Variants in INPP4B observed in about 807,000 individuals in gnomAD.
INPP4B encodes inositol polyphosphate-4-phosphatase type II B, also known as inositol polyphosphate 4-phosphatase type II.
Under a neutral mutation model 122.5 loss-of-function variants are expected in INPP4B, and 55 were observed. That is an observed-to-expected ratio of 0.45 (90% CI 0.36 to 0.56). The LOEUF (loss-of-function observed/expected upper bound fraction) is 0.56. Among genes scored for constraint, INPP4B ranks in the 20% least tolerant of loss-of-function variants. The pLI, the probability that INPP4B is intolerant of heterozygous loss-of-function variation, is 0.00. For synonymous variants in INPP4B, 403 were observed against 388.7 expected (o/e 1.04, Z -0.43); for missense variants, 1,000 against 1,097.7 (o/e 0.91, Z 1.26).
Position 142,035,054 on chromosome 4 carries a change from C to T in INPP4B, c.2643-6140G>A, listed in dbSNP as rs556369134. On this transcript the variant is annotated intron_variant, in intron 25 of 25. Transcript: ENST00000262992. ...CCTCCAGGTCTGTGTCTGTGTCTCC[C>T]TGTCTCGCTCATCTTCCTACCTCTT... Among the ~76,000 whole-genome samples, 51 of 152,266 alleles carry T rather than the reference C, an allele frequency of 3.3e-4. 1 individual carries two copies. The highest frequency in any genetic ancestry group is 6.8e-3 in the Middle Eastern group (2 of 294).
chr4:142,533,479 A>T (rs1827853992), intron 2 of INPP4B, among the ~76,000 whole-genome samples: 2 of 152,152 alleles, frequency 1.3e-5, no homozygotes, highest in African/African-American at 4.8e-5. Flanking sequence ...TTTTTTTTTA[A>T]AAATAATGCT....
chr4:142,463,963 G>A (rs7668133), intron 2 of INPP4B, among the ~76,000 whole-genome samples: 23,587 of 151,974 alleles, frequency 0.16, 2,091 homozygotes, highest in East Asian at 0.36. Context: ...TTAGTAAAAC[G>A]ATCAGCCTAA....
At chr4:142,751,166 G>C (rs929901919) in intron 1 of INPP4B, among the ~76,000 whole-genome samples, 1 of 151,644 alleles carries the variant, frequency 6.6e-6, no homozygotes, top group Non-Finnish European at 1.5e-5. Context: ...TGAAGGTAGG[G>C]GCATTAGTCA....
chr4:142,790,674 A>G (rs1776421578), intron 1 of INPP4B, among the ~76,000 whole-genome samples: 1 of 152,156 alleles, frequency 6.6e-6, no homozygotes, highest in South Asian at 2.1e-4. Flanking sequence ...AAAAACAAAA[A>G]CAAACCTTAT....
At chr4:142,404,452 A>G (rs1445948069) in intron 6 of INPP4B, among the ~76,000 whole-genome samples, 3 of 152,210 alleles carry the variant, frequency 2.0e-5, no homozygotes, top group Non-Finnish European at 4.4e-5. Context: ...AGTATCTCTC[A>G]TTCATTAAGG....
intron 8 of INPP4B, among the ~76,000 whole-genome samples, chr4:142,313,601 A>G (rs10025044): frequency 0.15 from 22,301 of 152,100 alleles, 2,244 homozygotes; most frequent in African/African-American, 0.28. Flanking sequence ...GGAGGTCTGA[A>G]GCTGGGGAGA....
intron 25 of INPP4B, among the ~76,000 whole-genome samples, chr4:142,034,039 C>T (rs1199952009): frequency 6.6e-6 from 1 of 152,078 alleles, no homozygotes; most frequent in African/African-American, 2.4e-5. Context: ...GGAATAAAGT[C>T]AATAGTTTGG....
chr4:142,648,087 A>G (rs573065099), intron 2 of INPP4B, among the ~76,000 whole-genome samples: 3 of 152,364 alleles, frequency 2.0e-5, no homozygotes, highest in East Asian at 1.9e-4. Context: ...TCTCTTCACC[A>G]TCTCCTCCAC....
At chr4:142,396,019 T>C (rs1212929934) in intron 7 of INPP4B, among the ~76,000 whole-genome samples, 1 of 152,154 alleles carries the variant, frequency 6.6e-6, no homozygotes, top group Non-Finnish European at 1.5e-5. Flanking sequence ...ACTGTATATT[T>C]AAGATTTTTT....
Position 142,029,340 on chromosome 4 carries a change from A to G in INPP4B, c.2643-426T>C, listed in dbSNP as rs1186679091. 5.1e-6 allele frequency: 5 copies of G among 984,606 alleles called. No homozygotes were observed. In the Admixed American group the frequency reaches 2.4e-4, roughly 48 times the overall value. The allele number at this position is 984,606 out of a possible 1,614,324, so 61.0% of individuals were successfully genotyped here. A position where few individuals can be genotyped will look rare whatever the true frequency, so the allele number is the denominator to read the frequency against. On this transcript the variant is annotated intron_variant, in intron 25 of 25. Transcript: ENST00000262992. ...CATTTAATTTATTAAGTCTGGCCCTATAGATTTTTAAAGAAAAATTTCATC... is the reference window on the plus strand; with the variant it reads ...CATTTAATTTATTAAGTCTGGCCCTGTAGATTTTTAAAGAAAAATTTCATC...
intron 1 of INPP4B, among the ~76,000 whole-genome samples, chr4:142,838,462 C>A (rs1329749229): frequency 1.3e-5 from 2 of 151,678 alleles, no homozygotes; most frequent in East Asian, 1.9e-4. Context: ...TTTACTCCTA[C>A]CCAAAATATA....
rs1736095671 is a variant in INPP4B at position 142,023,488 on chromosome 4, TAC to T, written c.*5292_*5293del. 1 of 152,168 alleles carries T rather than the reference TAC, an allele frequency of 6.6e-6. No homozygotes were observed. Among genetic ancestry groups the T allele is most frequent in the African/African-American group, 2.4e-5 (1 of 41,444 alleles). 9.4% of individuals were successfully genotyped at this position (152,168 alleles called of 1,614,324 possible). On this transcript the variant is annotated 3_prime_UTR_variant, in exon 26 of 26. Coordinates refer to ENST00000262992, the MANE Select transcript of INPP4B (RefSeq NM_001101669.3). Reference sequence around the variant, plus strand: ...GTATGCAGTGAAATGAGAGTGCCCATACAGTTATATGCAAACTTTTGAAAGTT... The same window carrying T: ...GTATGCAGTGAAATGAGAGTGCCCATAGTTATATGCAAACTTTTGAAAGTT...
chr4:142,027,905 C>G lies in INPP4B; in HGVS notation c.*877G>C, dbSNP rs1737519844. On this transcript the variant is annotated 3_prime_UTR_variant, in exon 26 of 26. Transcript: ENST00000262992. ...CTATGCCATAACTGCATGCTTACAC[C>G]AGGATGACTGCTAAGAAACATCTCA... is the stretch of plus-strand genomic sequence containing the variant. 1 of 182,250 alleles carries G rather than the reference C, an allele frequency of 5.5e-6. No homozygotes were observed. Among genetic ancestry groups the G allele is most frequent in the Admixed American group, 6.3e-5 (1 of 15,964 alleles). 11.3% of individuals were successfully genotyped at this position (182,250 alleles called of 1,614,324 possible). A position where few individuals can be genotyped will look rare whatever the true frequency, so the allele number is the denominator to read the frequency against.
In INPP4B at chr4:142,725,791, T is replaced by C. The variant is rs1348442302; in HGVS notation, c.-191+48A>G. 1.0e-5 allele frequency: 4 copies of C among 397,346 alleles called. No individual in the cohort carries two copies. In the East Asian group the frequency reaches 1.4e-4, roughly 14 times the overall value. The allele number at this position is 397,346 out of a possible 1,614,324, so 24.6% of individuals were successfully genotyped here. Reference sequence around the variant, plus strand: ...AATCAAGGAAAGTCAACTAGTTTCATGTAGAGTTATACAGAATGAAAAAAT... The same window carrying C: ...AATCAAGGAAAGTCAACTAGTTTCACGTAGAGTTATACAGAATGAAAAAAT... On this transcript the variant is annotated intron_variant, in intron 2 of 25. Transcript: ENST00000262992.
chr4:142,397,433 G>C (rs1384876473), intron 7 of INPP4B, among the ~76,000 whole-genome samples: 1 of 152,016 alleles, frequency 6.6e-6, no homozygotes, highest in African/African-American at 2.4e-5. Flanking sequence ...AATTTATTTG[G>C]ACAGTTTCAA....
chr4:142,099,323 C>A (rs1044605225), intron 23 of INPP4B, among the ~76,000 whole-genome samples: 2 of 152,066 alleles, frequency 1.3e-5, no homozygotes, highest in African/African-American at 4.8e-5. Flanking sequence ...TATGCAATGA[C>A]AAATATGAAC....
At chr4:142,065,384 T>C (rs1160627057) in intron 25 of INPP4B, among the ~76,000 whole-genome samples, 1 of 152,100 alleles carries the variant, frequency 6.6e-6, no homozygotes, top group Non-Finnish European at 1.5e-5. Flanking sequence ...AGCCCACATG[T>C]ACAAATACAA....
intron 24 of INPP4B, 65 bp downstream of exon 24, chr4:142,086,079 G>C: frequency 1.8e-6 from 2 of 1,087,820 alleles, no homozygotes; most frequent in Non-Finnish European, 2.8e-6. Flanking sequence ...CTGCACAGTA[G>C]AGAACTGATA....
At chr4:142,613,443 C>G (rs1002197053) in intron 2 of INPP4B, among the ~76,000 whole-genome samples, 2 of 152,138 alleles carry the variant, frequency 1.3e-5, no homozygotes, top group Admixed American at 1.3e-4. Flanking sequence ...CTGCCAAGGT[C>G]ATCTATATCT....
Sources: allele counts gnomAD v4.1 joint callset (sites outside exome capture counted in the v4.1 genomes callset), GRCh38; gene constraint gnomAD v4.1.1; transcripts MANE v1.5; gene names NCBI Gene and HGNC (gene_info 2026-07-23, HGNC 2026-07-21).